ZNF892: variants seen among roughly 807,000 people sequenced by gnomAD.
ZNF892 encodes the protein zinc finger protein 892, also known as zinc finger protein 570-like.
the ZNF892 span, among the ~76,000 whole-genome samples, chr2:95,218,074 G>T: frequency 6.6e-6 from 1 of 152,146 alleles, no homozygotes; most frequent in Admixed American, 6.5e-5. Flanking sequence ...GTGCCAGGTG[G>T]CTGTGTTTCT....
At chr2:95,244,154 A>G in the ZNF892 span, among the ~76,000 whole-genome samples, 1 of 150,520 alleles carries the variant, frequency 6.6e-6, no homozygotes, top group Non-Finnish European at 1.5e-5. Flanking sequence ...CATGCTCGTT[A>G]AGAGTCATCA....
chr2:95,223,027 T>G, the ZNF892 span, among the ~76,000 whole-genome samples: 1 of 152,246 alleles, frequency 6.6e-6, no homozygotes, highest in Non-Finnish European at 1.5e-5. Flanking sequence ...CCTTTGCCCT[T>G]TTGTCAACAA....
At chr2:95,261,664 C>T in the ZNF892 span, among the ~76,000 whole-genome samples, 4 of 152,314 alleles carry the variant, frequency 2.6e-5, no homozygotes, top group South Asian at 4.1e-4. Context: ...AGGTTGTGAC[C>T]AGTAGCAAAG....
At chr2:95,224,498 G>T in the ZNF892 span, among the ~76,000 whole-genome samples, 1 of 152,102 alleles carries the variant, frequency 6.6e-6, no homozygotes, top group Non-Finnish European at 1.5e-5. Flanking sequence ...AAGGCAAAGG[G>T]GAAACAGGCT....
the ZNF892 span, among the ~76,000 whole-genome samples, chr2:95,254,394 C>G: frequency 6.6e-6 from 1 of 152,172 alleles, no homozygotes; most frequent in Non-Finnish European, 1.5e-5. Context: ...TATTGATTTG[C>G]ATATGTTGAA....
At chr2:95,253,610 A>G in the ZNF892 span, among the ~76,000 whole-genome samples, 1 of 152,138 alleles carries the variant, frequency 6.6e-6, no homozygotes. Flanking sequence ...GTTTTTTCCA[A>G]TTCTGTGAAA....
At chr2:95,261,127 C>T in the ZNF892 span, among the ~76,000 whole-genome samples, 1 of 152,134 alleles carries the variant, frequency 6.6e-6, no homozygotes, top group Non-Finnish European at 1.5e-5. Flanking sequence ...CAGGAGGAGA[C>T]TCATGACAAC....
the ZNF892 span, among the ~76,000 whole-genome samples, chr2:95,249,911 A>G: frequency 2.0e-5 from 3 of 152,158 alleles, no homozygotes; most frequent in Non-Finnish European, 4.4e-5. Context: ...CAAATTTCCA[A>G]AAAGATTTTG....
chr2:95,243,115 G>A, the ZNF892 span, among the ~76,000 whole-genome samples: 2 of 152,236 alleles, frequency 1.3e-5, no homozygotes, highest in Non-Finnish European at 2.9e-5. Context: ...GCCTCCTGAG[G>A]TGCCAGGATT....
At chr2:95,258,275 A>G in the ZNF892 span, among the ~76,000 whole-genome samples, 13 of 152,300 alleles carry the variant, frequency 8.5e-5, no homozygotes, top group East Asian at 1.9e-3. Flanking sequence ...GAGCACACCA[A>G]ACAAAGGAGG....
At chr2:95,240,522 C>T in the ZNF892 span, among the ~76,000 whole-genome samples, 1 of 152,192 alleles carries the variant, frequency 6.6e-6, no homozygotes, top group South Asian at 2.1e-4. Context: ...TGTGGAGTCT[C>T]AGCAAAGCAG....
At chr2:95,254,574 A>G in the ZNF892 span, among the ~76,000 whole-genome samples, 1 of 152,222 alleles carries the variant, frequency 6.6e-6, no homozygotes, top group Non-Finnish European at 1.5e-5. Flanking sequence ...AGGCTTTAGT[A>G]TCAGGATGAT....
the ZNF892 span, among the ~76,000 whole-genome samples, chr2:95,248,129 C>A: frequency 6.6e-6 from 1 of 152,166 alleles, no homozygotes; most frequent in Non-Finnish European, 1.5e-5. Flanking sequence ...AAATGTGGAA[C>A]ATATACCATG....
At chr2:95,249,811 G>A in the ZNF892 span, among the ~76,000 whole-genome samples, 3 of 152,132 alleles carry the variant, frequency 2.0e-5, no homozygotes, top group African/African-American at 7.2e-5. Context: ...TTAAACACGC[G>A]TAATAGTGTT....
chr2:95,249,231 A>AT, the ZNF892 span, among the ~76,000 whole-genome samples: 213 of 57,116 alleles, frequency 3.7e-3, 4 homozygotes, highest in East Asian at 6.8e-3. Flanking sequence ...ATATATATAT[A>AT]TTTTTTTTTT....
chr2:95,224,587 C>T, the ZNF892 span, among the ~76,000 whole-genome samples: 1 of 152,238 alleles, frequency 6.6e-6, no homozygotes, highest in African/African-American at 2.4e-5. Context: ...GAACTCTTAT[C>T]ACAAGAATAG....
chr2:95,255,854 G>A, the ZNF892 span, among the ~76,000 whole-genome samples: 2 of 152,074 alleles, frequency 1.3e-5, no homozygotes, highest in Non-Finnish European at 2.9e-5. Flanking sequence ...TGTCTCTTTT[G>A]ATCTTTGTTG....
At chr2:95,245,521 G>A in the ZNF892 span, among the ~76,000 whole-genome samples, 6 of 143,656 alleles carry the variant, frequency 4.2e-5, no homozygotes, top group African/African-American at 7.8e-5. Flanking sequence ...CGCCCACCTC[G>A]GCCTCCCAAA....
chr2:95,242,807 C>A, the ZNF892 span, among the ~76,000 whole-genome samples: 4 of 152,090 alleles, frequency 2.6e-5, no homozygotes. Context: ...ATTTACCAAA[C>A]CTGGAGTCCC....
Sources: allele counts gnomAD v4.1 joint callset (sites outside exome capture counted in the v4.1 genomes callset), GRCh38; gene constraint gnomAD v4.1.1; transcripts MANE v1.5; gene names NCBI Gene and HGNC (gene_info 2026-07-23, HGNC 2026-07-21).